Variants in DPF3 observed in about 807,000 individuals in gnomAD.
The protein encoded by DPF3 is double PHD fingers 3, also known as zinc finger protein DPF3.
DPF3 carries 18 observed loss-of-function variants against 56.8 expected under a neutral mutation model. The observed-to-expected ratio is 0.32, with a 90% CI of 0.22 to 0.47. The LOEUF is 0.47. DPF3 is among the 20% of genes least tolerant of loss of function. The pLI is 1.00. For missense variants in DPF3, 403 were observed against 488.8 expected (o/e 0.82, Z 1.65); for synonymous variants, 188 against 180.2 (o/e 1.04, Z -0.35).
chr14:72,798,026 G>A (rs1892707718), intron 1 of DPF3, among the ~76,000 whole-genome samples: 1 of 151,966 alleles, frequency 6.6e-6, no homozygotes, highest in African/African-American at 2.4e-5. Context: ...AGTCTGAGGT[G>A]GGTGGATCAC....
At chr14:72,752,594 C>T (rs113085525) in intron 3 of DPF3, among the ~76,000 whole-genome samples, 8 of 152,188 alleles carry the variant, frequency 5.3e-5, no homozygotes, top group African/African-American at 1.9e-4. Context: ...ACTCGGGAGG[C>T]AGAGTCTGCA....
chr14:72,677,686 G>A (rs561944759), intron 7 of DPF3, among the ~76,000 whole-genome samples: 2 of 152,150 alleles, frequency 1.3e-5, no homozygotes, highest in East Asian at 3.9e-4. Flanking sequence ...TGGGAGCACC[G>A]GATATCATTC....
chr14:72,746,878 G>A (rs1049256858), intron 3 of DPF3, among the ~76,000 whole-genome samples: 4 of 152,234 alleles, frequency 2.6e-5, no homozygotes, highest in Non-Finnish European at 5.9e-5. Flanking sequence ...CTAGCCCTAG[G>A]TTCTTCCTTT....
At chr14:72,631,343 A>C (rs547250659) in intron 8 of DPF3, among the ~76,000 whole-genome samples, 1 of 152,378 alleles carries the variant, frequency 6.6e-6, no homozygotes, top group South Asian at 2.1e-4. Flanking sequence ...TTACATTAAA[A>C]GCCTGTGTGA....
chr14:72,704,328 T>TG lies in DPF3; in HGVS notation c.604+10094dup, dbSNP rs1319921598. On this transcript the variant is annotated intron_variant, in intron 6 of 10. Transcript: ENST00000556509. ...TAATAAATGTCATTGTCAACATTTC[T>TG]GGGGAAGGTAAAAAGAGAAAGGTCA... Among the ~76,000 whole-genome samples the TG allele has an allele frequency of 2.0e-5, 3 of 152,248 alleles. No homozygotes were observed. The East Asian group carries it at 5.8e-4, about 29-fold the overall frequency.
intron 3 of DPF3, among the ~76,000 whole-genome samples, chr14:72,735,973 G>T (rs563147741): frequency 1.3e-3 from 203 of 152,242 alleles, no homozygotes; most frequent in Middle Eastern, 0.01. Flanking sequence ...GATCATATAC[G>T]TAAAGAATCT....
chr14:72,736,653 A>G (rs1889904392), intron 3 of DPF3, among the ~76,000 whole-genome samples: 1 of 152,156 alleles, frequency 6.6e-6, no homozygotes, highest in Admixed American at 6.5e-5. Flanking sequence ...AAGAAAGGTA[A>G]CAGGTCCAAG....
chr14:72,804,194 C>CAA (rs1182789139), intron 1 of DPF3, among the ~76,000 whole-genome samples: 1 of 131,750 alleles, frequency 7.6e-6, no homozygotes, highest in Non-Finnish European at 1.8e-5. Flanking sequence ...CACACACACA[C>CAA]ACACACACAC....
chr14:72,893,922 G>C (rs1886880237), intron 1 of DPF3, 135 bp downstream of exon 1: 1 of 960,582 alleles, frequency 1.0e-6, no homozygotes, highest in Non-Finnish European at 1.6e-6. Context: ...AGTAAGAGCT[G>C]AAAGAAGAGA....
At chr14:72,856,938 C>T (rs1030514990) in intron 1 of DPF3, among the ~76,000 whole-genome samples, 9 of 152,180 alleles carry the variant, frequency 5.9e-5, no homozygotes, top group Non-Finnish European at 1.3e-4. Context: ...TGCCAGCCAT[C>T]CTGGGGCAGA....
At chr14:72,667,631 T>A (rs959364824) in intron 8 of DPF3, among the ~76,000 whole-genome samples, 3 of 152,206 alleles carry the variant, frequency 2.0e-5, no homozygotes, top group Non-Finnish European at 4.4e-5. Flanking sequence ...AAAAAGGTGA[T>A]CTCTTTGTAC....
At chr14:72,847,420 TA>T (rs1370382798) in intron 1 of DPF3, among the ~76,000 whole-genome samples, 1 of 152,142 alleles carries the variant, frequency 6.6e-6, no homozygotes, top group East Asian at 1.9e-4. Flanking sequence ...CTCACTATAT[TA>T]TAAGCCTTGA....
At chr14:72,732,796 G>A (rs1889716925) in intron 3 of DPF3, among the ~76,000 whole-genome samples, 1 of 152,082 alleles carries the variant, frequency 6.6e-6, no homozygotes, top group Non-Finnish European at 1.5e-5. Flanking sequence ...CAGAGGGTTG[G>A]TGTGTTTCTT....
At position 72,779,588 on chromosome 14, in the gene DPF3, A is replaced by C. The variant is rs1891887595; in HGVS notation, c.33-7695T>G. Among the ~76,000 whole-genome samples, 3 of 152,108 alleles carry C rather than the reference A, an allele frequency of 2.0e-5. 1 individual carries two copies. The South Asian group carries it at 6.2e-4, about 31-fold the overall frequency. On this transcript the variant is annotated intron_variant, in intron 1 of 10. Coordinates refer to ENST00000556509, the MANE Select transcript of DPF3 (RefSeq NM_001280542.3). Reference sequence around the variant, plus strand: ...AGCTCCACCTCTTAATAGCTACACAACCCTCAGCAAGTTACTTACCCTCCC... The same window carrying C: ...AGCTCCACCTCTTAATAGCTACACACCCCTCAGCAAGTTACTTACCCTCCC...
intron 2 of DPF3, among the ~76,000 whole-genome samples, chr14:72,756,906 A>AAAGAAAGAAAGAAAGAAAGAAAGAAAG (rs1481374037): frequency 1.5e-4 from 11 of 74,706 alleles, no homozygotes; most frequent in South Asian, 5.5e-4. Context: ...AGAAAAGAAA[A>AAAGAAAGAAAGAAAGAAAGAAAGAAAG]AAAGAAAGAA....
chr14:72,861,737 G>GAGAAAGAAAGAGAAAGAAAGAGAA (rs1436291759), intron 1 of DPF3, among the ~76,000 whole-genome samples: 2 of 84,536 alleles, frequency 2.4e-5, no homozygotes, highest in Non-Finnish European at 4.8e-5. Flanking sequence ...AAGAAAGAAA[G>GAGAAAGAAAGAGAAAGAAAGAGAA]AGAAAGAAAG....
chr14:72,680,071 G>A (rs1416756645), intron 7 of DPF3, among the ~76,000 whole-genome samples: 1 of 152,192 alleles, frequency 6.6e-6, no homozygotes, highest in African/African-American at 2.4e-5. Flanking sequence ...GAGGAGCTCC[G>A]GCAGGCCCAG....
chr14:72,647,832 A>T (rs1227339750), intron 8 of DPF3, among the ~76,000 whole-genome samples: 1 of 152,196 alleles, frequency 6.6e-6, no homozygotes, highest in African/African-American at 2.4e-5. Flanking sequence ...GGCTAGCAGT[A>T]GCAAGATTGG....
intron 8 of DPF3, chr14:72,671,110 T>G (rs775819908): frequency 1.2e-6 from 2 of 1,612,248 alleles, no homozygotes; most frequent in Non-Finnish European, 1.7e-6. Flanking sequence ...GGATGGCTAA[T>G]TGCCCAGAGA....
Sources: allele counts gnomAD v4.1 joint callset (sites outside exome capture counted in the v4.1 genomes callset), GRCh38; gene constraint gnomAD v4.1.1; transcripts MANE v1.5; gene names NCBI Gene and HGNC (gene_info 2026-07-23, HGNC 2026-07-21).